Variants in HEPHL1 observed in about 807,000 individuals in gnomAD.
HEPHL1 encodes ferroxidase HEPHL1.
Under a neutral mutation model 122.0 loss-of-function variants are expected in HEPHL1, and 123 were observed. The observed-to-expected ratio is 1.01, with a 90% CI of 0.87 to 1.17. The LOEUF (loss-of-function observed/expected upper bound fraction) is 1.17, where lower values mean the gene tolerates loss of function less well. Among genes scored for constraint, HEPHL1 ranks in the 50% most tolerant of loss-of-function variants. HEPHL1 has a pLI of 0.00. For synonymous variants in HEPHL1, 527 were observed against 508.9 expected (o/e 1.04, Z -0.48); for missense variants, 1,452 against 1,430.5 (o/e 1.01, Z -0.24).
Position 94,064,418 on chromosome 11 carries a change from G to A in HEPHL1, c.716G>A (p.Trp239Ter). ...MFTLVDENQS[W>*]YLNENIKHFC... Reference sequence around the variant, plus strand: ...ACTCTTGTGGATGAGAATCAAAGCTGGTACCTCAATGAAAATATCAAACAT... The same window carrying A: ...ACTCTTGTGGATGAGAATCAAAGCTAGTACCTCAATGAAAATATCAAACAT... The change falls in exon 4 of 20, where the codon TGG becomes TAG. Residue 239 changes from tryptophan (W) to a stop codon, truncating the protein, a stop_gained. Coordinates refer to ENST00000315765, the MANE Select transcript of HEPHL1 (RefSeq NM_001098672.2). LOFTEE classifies it high-confidence loss of function. 1 of 1,611,984 alleles carries A rather than the reference G, an allele frequency of 6.2e-7. No individual in the cohort carries two copies. The highest frequency in any genetic ancestry group is 8.5e-7 in the Non-Finnish European group (1 of 1,178,242).
At chr11:94,082,908 G>A (rs1170028335) in intron 10 of HEPHL1, among the ~76,000 whole-genome samples, 5 of 152,082 alleles carry the variant, frequency 3.3e-5, no homozygotes. Context: ...GGCCAATATG[G>A]TGAAACCCCG....
rs539483502 is a variant in HEPHL1 at position 94,089,328 on chromosome 11, G to C, written c.2294+360G>C. On this transcript the variant is annotated intron_variant, in intron 12 of 19. Transcript: ENST00000315765. ...AGAGGGTGTATGATGTGGGGTGAGA[G>C]GATGGGCTGCTGTGGATGCAGGACC... Among the ~76,000 whole-genome samples the C allele has an allele frequency of 3.3e-3, 500 of 152,298 alleles. 1 individual carries two copies. The highest frequency in any genetic ancestry group is 0.011 in the African/African-American group (478 of 41,566).
intron 7 of HEPHL1, 53 bp from the exon 8 acceptor site, chr11:94,073,255 T>A: frequency 1.2e-6 from 2 of 1,606,302 alleles, no homozygotes; most frequent in South Asian, 1.1e-5. Flanking sequence ...CTGCTTTACT[T>A]CTTTCTGTCT....
chr11:94,047,339 C>T (rs1478040482), intron 2 of HEPHL1, among the ~76,000 whole-genome samples: 1 of 152,088 alleles, frequency 6.6e-6, no homozygotes, highest in Non-Finnish European at 1.5e-5. Flanking sequence ...AGTTATTTTT[C>T]CTGATCCTCT....
intron 17 of HEPHL1, among the ~76,000 whole-genome samples, chr11:94,106,530 C>G (rs982422984): frequency 6.6e-6 from 1 of 151,848 alleles, no homozygotes; most frequent in African/African-American, 2.4e-5. Context: ...CTCCTGACCT[C>G]GTGATCTGCC....
chr11:94,111,710 A>C lies in HEPHL1; in HGVS notation c.3296A>C (p.Gln1099Pro). The change falls in exon 20 of 20, where the codon CAG becomes CCG. Residue 1099 changes from glutamine (Q) to proline (P), a missense_variant. Physicochemically the swap from Gln to Pro is moderately conservative, Grantham distance 76. Transcript: ENST00000315765. ...TTCACAGAACGACCTGGCAAAGAGC[A>C]GCTCTATTTCTTTGGCAAGAATCTG... is the stretch of plus-strand genomic sequence containing the variant. ...VPSNERPGKE[Q>P]LYFFGKNLGP... The C allele has an allele frequency of 1.2e-6, 2 of 1,610,478 alleles. No individual in the cohort carries two copies. The highest frequency in any genetic ancestry group is 1.7e-6 in the Non-Finnish European group (2 of 1,178,010).
At chr11:94,074,528 G>C (rs1946104341) in intron 8 of HEPHL1, among the ~76,000 whole-genome samples, 1 of 152,042 alleles carries the variant, frequency 6.6e-6, no homozygotes, top group Admixed American at 6.6e-5. Flanking sequence ...AAACATACTG[G>C]GCACCTTTTT....
chr11:94,027,969 C>T (rs1298608158), intron 1 of HEPHL1, among the ~76,000 whole-genome samples: 2 of 152,166 alleles, frequency 1.3e-5, no homozygotes, highest in African/African-American at 4.8e-5. Flanking sequence ...GTCTCAATCT[C>T]ATCTTTTTTT....
intron 13 of HEPHL1, among the ~76,000 whole-genome samples, chr11:94,100,495 A>T (rs1213314509): frequency 1.3e-5 from 2 of 152,240 alleles, no homozygotes; most frequent in Non-Finnish European, 2.9e-5. Context: ...ACAGAAATGC[A>T]CACACCAGAG....
At chr11:94,067,469 C>T in intron 4 of HEPHL1, 27 bp from the exon 5 acceptor site, 1 of 1,607,902 alleles carries the variant, frequency 6.2e-7, no homozygotes, top group South Asian at 1.1e-5. Context: ...AGGGGAGTCT[C>T]TTCCACTAGC....
At chr11:94,025,714 C>T (rs1591458026) in intron 1 of HEPHL1, among the ~76,000 whole-genome samples, 1 of 152,078 alleles carries the variant, frequency 6.6e-6, no homozygotes, top group Non-Finnish European at 1.5e-5. Flanking sequence ...TGAGAGAGAA[C>T]TCACACATCT....
intron 2 of HEPHL1, among the ~76,000 whole-genome samples, chr11:94,054,021 G>A (rs377135678): frequency 8.0e-4 from 122 of 152,228 alleles, no homozygotes; most frequent in African/African-American, 2.9e-3. Flanking sequence ...TTCTGTTTAG[G>A]TGTTCTATCA....
At chr11:94,104,147 A>G (rs1946390848) in intron 15 of HEPHL1, among the ~76,000 whole-genome samples, 1 of 152,170 alleles carries the variant, frequency 6.6e-6, no homozygotes, top group Non-Finnish European at 1.5e-5. Context: ...AGCTGAAAAT[A>G]GGGAAGTAGA....
chr11:94,021,417 G>C lies in HEPHL1; in HGVS notation c.49G>C (p.Gly17Arg). 1 of 1,613,518 alleles carries C rather than the reference G, an allele frequency of 6.2e-7. No homozygotes were observed. Among genetic ancestry groups the C allele is most frequent in the Non-Finnish European group, 8.5e-7 (1 of 1,179,672 alleles). ...CTGCATCTTTCTCCTCACATTCCTGGGTCTGTCTGGGCTGGTTGGCACAGT... is the reference window on the plus strand; with the variant it reads ...CTGCATCTTTCTCCTCACATTCCTGCGTCTGTCTGGGCTGGTTGGCACAGT... ...AGCIFLLTFL[G>R]LSGLVGTVTR... The change falls in exon 1 of 20, where the codon GGT (glycine) becomes CGT (arginine). Residue 17 changes from glycine to arginine, a missense_variant. By Grantham distance (125) the Gly-to-Arg change is moderately radical. Coordinates refer to ENST00000315765, the MANE Select transcript of HEPHL1 (RefSeq NM_001098672.2).
Position 94,106,078 on chromosome 11 carries a change from G to A in HEPHL1, c.2993G>A (p.Ser998Asn), listed in dbSNP as rs1297803056. The A allele has an allele frequency of 1.9e-6, 3 of 1,599,624 alleles. No homozygotes were observed. In the Admixed American group the frequency reaches 5.0e-5, roughly 27 times the overall value. Residue 998 changes from serine to asparagine, a missense_variant, in exon 17 of 20, where the codon AGT becomes AAT. Ser to Asn is a conservative substitution (Grantham distance 46). Coordinates refer to ENST00000315765, the MANE Select transcript of HEPHL1 (RefSeq NM_001098672.2). ...AACTGGTATTTGTTAGGGATAGGAA[G>A]TGAAGTGGACATACATACCATCCAT... ...MTNWYLLGIG[S>N]EVDIHTIHYH...
chr11:94,095,873 TC>T (rs1185565364), intron 13 of HEPHL1, among the ~76,000 whole-genome samples: 3 of 152,356 alleles, frequency 2.0e-5, no homozygotes, highest in African/African-American at 7.2e-5. Context: ...TGATTTTGTA[TC>T]CTGAGACTTT....
At chr11:94,094,754 G>A (rs1946296090) in intron 13 of HEPHL1, among the ~76,000 whole-genome samples, 1 of 152,176 alleles carries the variant, frequency 6.6e-6, no homozygotes, top group African/African-American at 2.4e-5. Context: ...GGCCAGTGAT[G>A]ATGAGCATTT....
At chr11:94,109,682 G>A (rs1194822487) in intron 17 of HEPHL1, among the ~76,000 whole-genome samples, 1 of 152,080 alleles carries the variant, frequency 6.6e-6, no homozygotes, top group Non-Finnish European at 1.5e-5. Context: ...TCATTCCCAG[G>A]ATAAACCTTA....
rs376300308 is a variant in HEPHL1, at chr11:94,073,151, T to C, written c.1359T>C (p.His453=). 4.3e-6 allele frequency: 7 copies of C among 1,613,066 alleles called. No individual in the cohort carries two copies. The highest frequency in any genetic ancestry group is 2.7e-5 in the African/African-American group (2 of 74,962). The change falls in exon 7 of 20, where the codon CAT becomes CAC. Residue 453 remains histidine, a synonymous_variant. Coordinates refer to ENST00000315765, the MANE Select transcript of HEPHL1 (RefSeq NM_001098672.2). The part of the protein sequence containing the change: ...KRKRLSAEEA[H]LGILGPVIKA... ...AGAGACTCTCTGCTGAAGAAGCCCA[T>C]CTTGGAATTCTTGGTACAGTAAAAC... is the stretch of plus-strand genomic sequence containing the variant.
Sources: allele counts gnomAD v4.1 joint callset (sites outside exome capture counted in the v4.1 genomes callset), GRCh38; gene constraint gnomAD v4.1.1; transcripts MANE v1.5; gene names NCBI Gene and HGNC (gene_info 2026-07-23, HGNC 2026-07-21).